WIZ: variants seen among roughly 807,000 people sequenced by gnomAD.
WIZ encodes protein Wiz.
A neutral mutation model predicts 140.2 loss-of-function variants in WIZ; 25 were observed. The ratio of observed to expected loss-of-function variants is 0.18; its 90% CI spans 0.13 to 0.25. The LOEUF (loss-of-function observed/expected upper bound fraction) is 0.25. Ranked by LOEUF, WIZ falls within the 10% of genes least tolerant of loss-of-function variation. WIZ has a pLI of 1.00. For synonymous variants in WIZ, 1,125 were observed against 1,154.3 expected, an observed-to-expected ratio of 0.97 and a Z score of 0.51; for missense variants, 2,231 against 2,632.6, an observed-to-expected ratio of 0.85 and a Z score of 3.34.
intron 12 of WIZ, among the ~76,000 whole-genome samples, chr19:15,423,642 C>T (rs190964751): frequency 1.3e-3 from 202 of 152,344 alleles, no homozygotes; most frequent in African/African-American, 4.7e-3. Context: ...GCCTGGAGCC[C>T]AAGCTCCATG....
At chr19:15,435,064 T>C (rs1437822639) in intron 5 of WIZ, among the ~76,000 whole-genome samples, 1 of 151,804 alleles carries the variant, frequency 6.6e-6, no homozygotes, top group East Asian at 1.9e-4. Context: ...TCGTCACTAC[T>C]AAAAATTAGC....
Position 15,420,192 on chromosome 19 carries a change from C to T in WIZ, c.*2884G>A, listed in dbSNP as rs1004439078. 1.3e-5 allele frequency: 2 copies of T among 152,204 alleles called. No homozygotes were observed. The highest frequency in any genetic ancestry group is 2.9e-5 in the Non-Finnish European group (2 of 68,048). 9.4% of individuals were successfully genotyped at this position (152,204 alleles called of 1,614,324 possible). On this transcript the variant is annotated 3_prime_UTR_variant, in exon 13 of 13. Coordinates refer to ENST00000673675, the MANE Select transcript of WIZ (RefSeq NM_001371589.1). ...AAGATAAATCTCTGACAGCTGAAGA[C>T]ATTGGTCATGGGTTGGTGATGGATA...
chr19:15,425,608 G>A lies in WIZ; in HGVS notation c.4527C>T (p.Ile1509=). The part of the protein sequence containing the change: ...NGSPIDTLRE[I]LKKKSKPCLI... The stretch of plus-strand genomic sequence containing the variant: ...GGCACGGCTTGGACTTCTTCTTGAG[G>A]ATCTCTCGCAGTGTGTCGATGGGCG... Residue 1509 remains isoleucine (I), a synonymous_variant, in exon 10 of 13, where the codon ATC becomes ATT. Transcript: ENST00000673675. 6.2e-7 allele frequency: 1 copy of A among 1,613,442 alleles called. No individual in the cohort carries two copies. The highest frequency in any genetic ancestry group is 8.5e-7 in the Non-Finnish European group (1 of 1,179,838).
At position 15,420,220 on chromosome 19, in the gene WIZ, TGA is replaced by T. The variant is rs1968319368; in HGVS notation, c.*2854_*2855del. 6.6e-6 allele frequency: 1 copy of T among 152,244 alleles called. No homozygotes were observed. Among genetic ancestry groups the T allele is most frequent in the African/African-American group, 2.4e-5 (1 of 41,450 alleles). 9.4% of individuals were successfully genotyped at this position (152,244 alleles called of 1,614,324 possible). A position where few individuals can be genotyped will look rare whatever the true frequency, so the allele number is the denominator to read the frequency against. ...TGGTCATGGGTTGGTGATGGATAGA[TGA>T]GAGTCCATTTTACTGTTTGCTCTAC... On this transcript the variant is annotated 3_prime_UTR_variant, in exon 13 of 13. Coordinates refer to ENST00000673675, the MANE Select transcript of WIZ (RefSeq NM_001371589.1).
At position 15,420,887 on chromosome 19, in the gene WIZ, G is replaced by A. The variant is rs1328744516; in HGVS notation, c.*2189C>T. 1 of 152,252 alleles carries A rather than the reference G, an allele frequency of 6.6e-6. No homozygotes were observed. Among genetic ancestry groups the A allele is most frequent in the Non-Finnish European group, 1.5e-5 (1 of 68,090 alleles). 9.4% of individuals were successfully genotyped at this position (152,252 alleles called of 1,614,324 possible). On this transcript the variant is annotated 3_prime_UTR_variant, in exon 13 of 13. Coordinates refer to ENST00000673675, the MANE Select transcript of WIZ (RefSeq NM_001371589.1). ...CGCCTGTAATCCCAGCACTTTGGGA[G>A]GCTGATCACTTGAGCTCAGGAGTTC...
chr19:15,430,625 C>T (rs1167158018), intron 6 of WIZ, among the ~76,000 whole-genome samples: 1 of 152,226 alleles, frequency 6.6e-6, no homozygotes, highest in Admixed American at 6.5e-5. Context: ...CTCTCACCTC[C>T]CTGGAGTCCA....
chr19:15,430,851 C>A (rs1270896526), intron 6 of WIZ, among the ~76,000 whole-genome samples, 161 bp downstream of exon 6: 1 of 152,234 alleles, frequency 6.6e-6, no homozygotes, highest in Non-Finnish European at 1.5e-5. Context: ...AGTAGAAGTT[C>A]AAGAGAGAAG....
chr19:15,428,388 G>A lies in WIZ; in HGVS notation c.3536C>T (p.Pro1179Leu). ...GTCTATGGGGGATCCCTTGGCGTCCGGATCGCTGACGCCCAGGTGGCGCAG... is the reference window on the plus strand; with the variant it reads ...GTCTATGGGGGATCCCTTGGCGTCCAGATCGCTGACGCCCAGGTGGCGCAG... ...AHLRHLGVSD[P>L]DAKGSPIDVL... The change falls in exon 8 of 13, where the codon CCG (proline) becomes CTG (leucine). Residue 1179 changes from proline to leucine, a missense_variant. Around this residue, in one of 15 missense-constraint regions of WIZ, gnomAD observed 39 missense variants for 74.9 expected, o/e 0.52. Transcript: ENST00000673675. This position sits in a 1 kb window ranked among gnomAD's most constrained non-coding sequence, Gnocchi z 6.4. 1.3e-6 allele frequency: 2 copies of A among 1,535,540 alleles called. No individual in the cohort carries two copies. The highest frequency in any genetic ancestry group is 8.7e-7 in the Non-Finnish European group (1 of 1,146,742).
Position 15,439,571 on chromosome 19 carries a change from T to C in WIZ, c.1423A>G (p.Ser475Gly). Reference sequence around the variant, plus strand: ...ACGTGCTCCCTGAGCAGGCTCTCGCTGGGCGCGGGGAAACCACAGAAGACA... The same window carrying C: ...ACGTGCTCCCTGAGCAGGCTCTCGCCGGGCGCGGGGAAACCACAGAAGACA... ...ACVFCGFPAPSESLLREHVRL... is the reference protein window; with the variant it reads ...ACVFCGFPAPGESLLREHVRL... The change falls in exon 4 of 13, where the codon AGC becomes GGC. Residue 475 changes from serine (S) to glycine (G), a missense_variant. Coordinates refer to ENST00000673675, the MANE Select transcript of WIZ (RefSeq NM_001371589.1). This position sits in a 1 kb window ranked among gnomAD's most constrained non-coding sequence, Gnocchi z 7.0. The C allele has an allele frequency of 6.7e-7, 1 of 1,493,856 alleles. No homozygotes were observed. The highest frequency in any genetic ancestry group is 8.9e-7 in the Non-Finnish European group (1 of 1,124,408). The allele number at this position is 1,493,856 out of a possible 1,614,324, so 92.5% of individuals were successfully genotyped here.
intron 2 of WIZ, among the ~76,000 whole-genome samples, chr19:15,447,420 T>C (rs1969956115): frequency 6.6e-6 from 1 of 152,258 alleles, no homozygotes. Context: ...TGTCACTACC[T>C]GTCCTTCTGA....
Position 15,440,211 on chromosome 19 carries a change from T to C in WIZ, c.783A>G (p.Val261=), listed in dbSNP as rs1373087615. Residue 261 remains valine, a synonymous_variant, in exon 4 of 13, where the codon GTA becomes GTG. Transcript: ENST00000673675. The surrounding 1 kb of genome is among the most constrained non-coding windows in gnomAD (Gnocchi z 6.2). The part of the protein sequence containing the change: ...EWGLPTSASE[V]ATQTWTVNSE... Reference sequence around the variant, plus strand: ...AGTTCACTGTCCAGGTCTGTGTGGCTACCTCCGAGGCTGACGTGGGTAGGC... The same window carrying C: ...AGTTCACTGTCCAGGTCTGTGTGGCCACCTCCGAGGCTGACGTGGGTAGGC... 1.3e-6 allele frequency: 2 copies of C among 1,522,630 alleles called. No homozygotes were observed. The highest frequency in any genetic ancestry group is 2.4e-5 in the East Asian group (1 of 40,832). The allele number at this position is 1,522,630 out of a possible 1,614,324, so 94.3% of individuals were successfully genotyped here. A position where few individuals can be genotyped will look rare whatever the true frequency, so the allele number is the denominator to read the frequency against.
rs1968628641 is a variant in WIZ, at chr19:15,424,846, A to G, written c.5081T>C (p.Ile1694Thr). The G allele has an allele frequency of 6.2e-7, 1 of 1,610,872 alleles. No homozygotes were observed. Among genetic ancestry groups the G allele is most frequent in the Non-Finnish European group, 8.5e-7 (1 of 1,179,362 alleles). The change falls in exon 11 of 13, where the codon ATC becomes ACC. Residue 1694 changes from isoleucine (I) to threonine (T), a missense_variant. Around this residue, in one of 15 missense-constraint regions of WIZ, gnomAD observed 299 missense variants for 309.6 expected, o/e 0.97. Coordinates refer to ENST00000673675, the MANE Select transcript of WIZ (RefSeq NM_001371589.1). This position sits in a 1 kb window ranked among gnomAD's most constrained non-coding sequence, Gnocchi z 9.7. Reference protein sequence around the residue: ...PQKVGAYRSYIQGGRPFTKKF... With the variant: ...PQKVGAYRSYTQGGRPFTKKF... ...CTTGGTGAAGGGGCGGCCGCCCTGGATGTAGCTGCGGTAGGCGCCCACCTT... is the reference window on the plus strand; with the variant it reads ...CTTGGTGAAGGGGCGGCCGCCCTGGGTGTAGCTGCGGTAGGCGCCCACCTT...
At position 15,440,355 on chromosome 19, in the gene WIZ, G is replaced by T. The variant is rs764211369; in HGVS notation, c.639C>A (p.Ala213=). ...CTGGCACAAACACCCTCCTGAAGGG[G>T]GCGAGGGGTGGCGGCTGGGCAGGCA... The part of the protein sequence containing the change: ...LDLPAQPPPL[A]PFRRVFVPVE... The change falls in exon 4 of 13, where the codon GCC becomes GCA. Residue 213 remains alanine (A), a synonymous_variant. Coordinates refer to ENST00000673675, the MANE Select transcript of WIZ (RefSeq NM_001371589.1). The surrounding 1 kb of genome is among the most constrained non-coding windows in gnomAD (Gnocchi z 6.2). 6.5e-7 allele frequency: 1 copy of T among 1,530,556 alleles called. No homozygotes were observed. The highest frequency in any genetic ancestry group is 8.7e-7 in the Non-Finnish European group (1 of 1,142,952). The allele number at this position is 1,530,556 out of a possible 1,614,324, so 94.8% of individuals were successfully genotyped here. A position where few individuals can be genotyped will look rare whatever the true frequency, so the allele number is the denominator to read the frequency against.
At position 15,428,645 on chromosome 19, in the gene WIZ, T is replaced by C. The variant is rs1405226034; in HGVS notation, c.3416-137A>G. The stretch of plus-strand genomic sequence containing the variant: ...CAAGACTCAGGCCGCAGATTTCTTT[T>C]GAAGTTTGGGAAGCAGGACATCCTG... On this transcript the variant is annotated intron_variant, in intron 7 of 12. Coordinates refer to ENST00000673675, the MANE Select transcript of WIZ (RefSeq NM_001371589.1). The surrounding 1 kb of genome is among the most constrained non-coding windows in gnomAD (Gnocchi z 6.4). 6.4e-6 allele frequency: 7 copies of C among 1,088,848 alleles called. No individual in the cohort carries two copies. The highest frequency in any genetic ancestry group is 1.6e-5 in the African/African-American group (1 of 63,498). The allele number at this position is 1,088,848 out of a possible 1,614,324, so 67.4% of individuals were successfully genotyped here.
chr19:15,427,658 A>G lies in WIZ; in HGVS notation c.3815-125T>C. The G allele has an allele frequency of 9.0e-7, 1 of 1,105,892 alleles. No homozygotes were observed. The highest frequency in any genetic ancestry group is 1.3e-6 in the Non-Finnish European group (1 of 794,548). 68.5% of individuals were successfully genotyped at this position (1,105,892 alleles called of 1,614,324 possible). Reference sequence around the variant, plus strand: ...GCCCACAGGTTAGGGTGGTGAGGGCAGGTGCAGGTAAGGGAGTGGAGGAGC... The same window carrying G: ...GCCCACAGGTTAGGGTGGTGAGGGCGGGTGCAGGTAAGGGAGTGGAGGAGC... On this transcript the variant is annotated intron_variant, in intron 8 of 12. Transcript: ENST00000673675. This position sits in a 1 kb window ranked among gnomAD's most constrained non-coding sequence, Gnocchi z 6.4.
At position 15,427,984 on chromosome 19, in the gene WIZ, A is replaced by G. The variant is rs982045122; in HGVS notation, c.3814+126T>C. The G allele has an allele frequency of 7.5e-7, 1 of 1,340,470 alleles. No individual in the cohort carries two copies. Among genetic ancestry groups the G allele is most frequent in the Admixed American group, 2.8e-5 (1 of 35,772 alleles). 83.0% of individuals were successfully genotyped at this position (1,340,470 alleles called of 1,614,324 possible). A position where few individuals can be genotyped will look rare whatever the true frequency, so the allele number is the denominator to read the frequency against. On this transcript the variant is annotated intron_variant, in intron 8 of 12. Coordinates refer to ENST00000673675, the MANE Select transcript of WIZ (RefSeq NM_001371589.1). The surrounding 1 kb of genome is among the most constrained non-coding windows in gnomAD (Gnocchi z 6.4). The stretch of plus-strand genomic sequence containing the variant: ...CCCACTGCCAACAAGATCTCTGGGC[A>G]GAACCGGCCCACTGCCAAGGGCCCC...
chr19:15,430,280 A>C (rs4809192), intron 6 of WIZ, among the ~76,000 whole-genome samples, 191 bp from the exon 7 acceptor site: 118,530 of 152,198 alleles, frequency 0.78, 46,352 homozygotes, highest in East Asian at 0.99. Context: ...TAAGGGTTAG[A>C]AACTGAGACT....
chr19:15,437,712 C>T (rs1021106211), intron 4 of WIZ, among the ~76,000 whole-genome samples: 2 of 152,244 alleles, frequency 1.3e-5, no homozygotes, highest in African/African-American at 4.8e-5. Context: ...CTGCCATCAT[C>T]TATGAGAGTA....
intron 3 of WIZ, among the ~76,000 whole-genome samples, chr19:15,441,194 G>A (rs925434428): frequency 2.0e-5 from 3 of 152,132 alleles, no homozygotes; most frequent in Non-Finnish European, 2.9e-5. Flanking sequence ...TCAAAGGAAT[G>A]TTCCTTTTCC....
Sources: allele counts gnomAD v4.1 joint callset (sites outside exome capture counted in the v4.1 genomes callset), GRCh38; gene constraint gnomAD v4.1.1; regional missense constraint gnomAD v4.1.1; non-coding constraint Gnocchi (gnomAD v3.1); transcripts MANE v1.5; gene names NCBI Gene and HGNC (gene_info 2026-07-23, HGNC 2026-07-21).